ZNF398: variants seen among roughly 807,000 people sequenced by gnomAD.
The protein encoded by ZNF398 is zinc finger protein 398, also known as zinc finger DNA binding protein ZER6.
In ZNF398, 18 loss-of-function variants were observed where a neutral mutation model predicts 41.9. That is an observed-to-expected ratio of 0.43 (90% confidence interval 0.30 to 0.64). The LOEUF (loss-of-function observed/expected upper bound fraction) is 0.64. Ranked by LOEUF, ZNF398 falls within the 30% of genes least tolerant of loss-of-function variation. ZNF398 has a pLI of 0.14. For synonymous variants in ZNF398, 260 were observed against 308.8 expected (o/e 0.84, Z 1.66); for missense variants, 669 against 822.8 (o/e 0.81, Z 2.29).
intron 2 of ZNF398, among the ~76,000 whole-genome samples, chr7:149,155,731 A>ATTTTTTTTTTTTT (rs1235445656): frequency 1.4e-4 from 8 of 56,912 alleles, no homozygotes; most frequent in South Asian, 7.8e-4. Context: ...TTTTTTTTTA[A>ATTTTTTTTTTTTT]TTTTTTTTTT....
upstream of ZNF398, among the ~76,000 whole-genome samples, chr7:149,146,258 G>A (rs1377545221): frequency 1.3e-5 from 2 of 151,992 alleles, no homozygotes; most frequent in Non-Finnish European, 2.9e-5. Flanking sequence ...AGGTCCTTTT[G>A]CTCAGACGCA....
chr7:149,127,498 A>T (rs1274756780), intron 1 of ZNF398, among the ~76,000 whole-genome samples: 1 of 145,902 alleles, frequency 6.9e-6, no homozygotes, highest in Non-Finnish European at 1.5e-5. Flanking sequence ...CGAGGTCAGG[A>T]GAGCGAGACC....
chr7:149,131,860 A>G (rs146535459), intron 2 of ZNF398, among the ~76,000 whole-genome samples: 78 of 152,300 alleles, frequency 5.1e-4, no homozygotes, highest in African/African-American at 1.8e-3. Context: ...CCTAGTGGAA[A>G]ATTCTTTGCT....
At position 149,147,972 on chromosome 7, in the gene ZNF398, T is replaced by G. The variant is rs999688604; in HGVS notation, c.24+206T>G. On this transcript the variant is annotated intron_variant, in intron 1 of 5. Transcript: ENST00000475153. The surrounding 1 kb of genome is among the most constrained non-coding windows in gnomAD (Gnocchi z 5.6). The stretch of plus-strand genomic sequence containing the variant: ...AACCGCCCACCCGGGGACACCAGGC[T>G]GGGCCGCAGGTCTGAGGGGCACTCG... Among the ~76,000 whole-genome samples the G allele has an allele frequency of 2.0e-5, 3 of 152,100 alleles. No homozygotes were observed. The highest frequency in any genetic ancestry group is 4.4e-5 in the Non-Finnish European group (3 of 67,998).
Position 149,176,106 on chromosome 7 carries a change from G to A in ZNF398, c.662-362G>A, listed in dbSNP as rs532856011. ...CCAGCACTTTGGGAGGCCAAGGTGGGCGGATCATGAGGTCAGGAGATCGAG... is the reference window on the plus strand; with the variant it reads ...CCAGCACTTTGGGAGGCCAAGGTGGACGGATCATGAGGTCAGGAGATCGAG... On this transcript the variant is annotated intron_variant, in intron 4 of 5. Coordinates refer to ENST00000475153, the MANE Select transcript of ZNF398 (RefSeq NM_170686.3). Among the ~76,000 whole-genome samples the A allele has an allele frequency of 1.1e-3, 169 of 152,230 alleles. 1 individual carries two copies. Among genetic ancestry groups the A allele is most frequent in the South Asian group, 2.1e-3 (10 of 4,822 alleles).
intron 4 of ZNF398, among the ~76,000 whole-genome samples, chr7:149,167,205 C>A (rs1323965894): frequency 6.6e-6 from 1 of 152,190 alleles, no homozygotes; most frequent in African/African-American, 2.4e-5. Context: ...CATGTCCTTA[C>A]ATGATGAAGG....
rs563353660 is a variant in ZNF398 at position 149,165,208 on chromosome 7, C to T, written c.421-950C>T. On this transcript the variant is annotated intron_variant, in intron 2 of 5. Coordinates refer to ENST00000475153, the MANE Select transcript of ZNF398 (RefSeq NM_170686.3). ...TCCAAGTTACCTCACTTGCAGAGTTCGAACCGAATGCTGAAAGAAACGATG... is the reference window on the plus strand; with the variant it reads ...TCCAAGTTACCTCACTTGCAGAGTTTGAACCGAATGCTGAAAGAAACGATG... 7.9e-5 allele frequency among the ~76,000 whole-genome samples: 12 copies of T among 152,098 alleles called. No individual in the cohort carries two copies. In the South Asian group the frequency reaches 2.1e-3, roughly 26 times the overall value.
At chr7:149,128,224 T>G (rs1432790526) in intron 1 of ZNF398, among the ~76,000 whole-genome samples, 2 of 152,136 alleles carry the variant, frequency 1.3e-5, no homozygotes, top group East Asian at 3.8e-4. Flanking sequence ...TCAATACATG[T>G]AAAGTGTACA....
intron 2 of ZNF398, among the ~76,000 whole-genome samples, chr7:149,130,967 A>C (rs1375692690): frequency 6.6e-6 from 1 of 152,180 alleles, no homozygotes; most frequent in Non-Finnish European, 1.5e-5. Flanking sequence ...TGGGTTAGGC[A>C]ATCATGATGG....
chr7:149,166,194 T>G lies in ZNF398; in HGVS notation c.457T>G (p.Ser153Ala). The G allele has an allele frequency of 6.2e-7, 1 of 1,614,116 alleles. No homozygotes were observed. Among genetic ancestry groups the G allele is most frequent in the Non-Finnish European group, 8.5e-7 (1 of 1,179,982 alleles). Residue 153 changes from serine (S) to alanine (A), a missense_variant, in exon 3 of 6, where the codon TCC becomes GCC. Transcript: ENST00000475153. ...ATTTGATGATGTCTCCATCTACTTT[T>G]CCACTCCAGAGTGGGAAAAATTAGA... The part of the protein sequence containing the change: ...VAFDDVSIYF[S>A]TPEWEKLEEW...
chr7:149,129,226 G>A (rs193010876), intron 2 of ZNF398, among the ~76,000 whole-genome samples: 40 of 152,162 alleles, frequency 2.6e-4, no homozygotes, highest in Non-Finnish European at 5.4e-4. Flanking sequence ...CGGTTATATA[G>A]GGTTAAATAA....
intron 1 of ZNF398, among the ~76,000 whole-genome samples, chr7:149,152,066 TAGCTG>T (rs1476941787): frequency 1.3e-5 from 2 of 151,706 alleles, no homozygotes; most frequent in East Asian, 3.9e-4. Flanking sequence ...TACAAAAAAT[TAGCTG>T]AGCATGGTGG....
intron 2 of ZNF398, among the ~76,000 whole-genome samples, chr7:149,156,497 T>A (rs1370756361): frequency 7.0e-5 from 7 of 100,610 alleles, no homozygotes; most frequent in African/African-American, 2.9e-4. Context: ...AGGGCGAGAC[T>A]CCATCTCAAA....
Position 149,154,104 on chromosome 7 carries a change from C to T in ZNF398, c.184C>T (p.Arg62Trp), listed in dbSNP as rs145157368. The part of the protein sequence containing the change: ...AIERKVEIHS[R>W]RLLHLEGRTG... ...AGAGAGGAAGGTGGAGATCCACAGC[C>T]GGCGACTCCTACACCTGGAAGGTCG... The change falls in exon 2 of 6, where the codon CGG becomes TGG. Residue 62 changes from arginine (R) to tryptophan (W), a missense_variant. Transcript: ENST00000475153. 1.9e-6 allele frequency: 3 copies of T among 1,613,916 alleles called. No individual in the cohort carries two copies. The highest frequency in any genetic ancestry group is 1.3e-5 in the African/African-American group (1 of 74,904).
At chr7:149,145,165 C>T (rs1245535633), upstream of ZNF398, among the ~76,000 whole-genome samples, 1 of 152,108 alleles carries the variant, frequency 6.6e-6, no homozygotes, top group Non-Finnish European at 1.5e-5. Context: ...GATAGTTATA[C>T]TGTTATGGGC....
chr7:149,161,865 T>G (rs956657134), intron 2 of ZNF398, among the ~76,000 whole-genome samples: 2 of 150,232 alleles, frequency 1.3e-5, no homozygotes, highest in South Asian at 4.2e-4. Context: ...AATTAGAAAC[T>G]CCAGTGTTTT....
At chr7:149,159,520 T>C (rs1271856654) in intron 2 of ZNF398, among the ~76,000 whole-genome samples, 2 of 151,084 alleles carry the variant, frequency 1.3e-5, no homozygotes, top group Admixed American at 6.6e-5. Flanking sequence ...TGGTGGCGGG[T>C]GCCTGTAGTC....
chr7:149,133,668 T>C (rs1364444706), intron 2 of ZNF398, among the ~76,000 whole-genome samples: 5 of 52,542 alleles, frequency 9.5e-5, no homozygotes, highest in South Asian at 2.2e-3. Flanking sequence ...TATATATATA[T>C]ATATATATAT....
exon 1 of ZNF398, chr7:149,126,483 C>T: frequency 3.6e-6 from 2 of 548,654 alleles, no homozygotes; most frequent in Non-Finnish European, 3.1e-6. Context: ...TTGAGGGACC[C>T]TTGGACTCCC....
Sources: allele counts gnomAD v4.1 joint callset (sites outside exome capture counted in the v4.1 genomes callset), GRCh38; gene constraint gnomAD v4.1.1; non-coding constraint Gnocchi (gnomAD v3.1); transcripts MANE v1.5; gene names NCBI Gene and HGNC (gene_info 2026-07-23, HGNC 2026-07-21).